Variants in PCDH9 observed in about 807,000 individuals in gnomAD.
The protein encoded by PCDH9 is protocadherin-9.
A neutral mutation model predicts 70.6 loss-of-function variants in PCDH9; 24 were observed. The observed-to-expected ratio is 0.34, with a 90% CI of 0.25 to 0.48. The LOEUF is 0.48. Among genes scored for constraint, PCDH9 ranks in the 20% least tolerant of loss-of-function variants. The pLI is 0.99. For synonymous variants in PCDH9, 562 were observed against 558.5 expected (o/e 1.01, Z -0.09); for missense variants, 1,281 against 1,503.6 (o/e 0.85, Z 2.45).
At chr13:66,937,303 TGTA>T (rs1450776565) in intron 2 of PCDH9, among the ~76,000 whole-genome samples, 2 of 152,232 alleles carry the variant, frequency 1.3e-5, no homozygotes, top group Non-Finnish European at 2.9e-5. Context: ...CTTGCGGAGT[TGTA>T]GTATCAACTT....
At chr13:66,372,082 T>C (rs1443330904) in intron 4 of PCDH9, among the ~76,000 whole-genome samples, 1 of 152,070 alleles carries the variant, frequency 6.6e-6, no homozygotes, top group East Asian at 1.9e-4. Context: ...CCCTCAAATA[T>C]ATGTACTGAT....
At position 67,089,650 on chromosome 13, in the gene PCDH9, C is replaced by T. The variant is rs2086177494; in HGVS notation, c.3036+135755G>A. Among the ~76,000 whole-genome samples, 3 of 151,856 alleles carry T rather than the reference C, an allele frequency of 2.0e-5. No homozygotes were observed. In the South Asian group the frequency reaches 6.2e-4, roughly 32 times the overall value. ...GAGCTCCAGAAATGTAAGTATTTAG[C>T]TATATGTTATACTTAAAATTATTTT... is the stretch of plus-strand genomic sequence containing the variant. On this transcript the variant is annotated intron_variant, in intron 2 of 4. Coordinates refer to ENST00000377865, the MANE Select transcript of PCDH9 (RefSeq NM_203487.3).
At chr13:66,607,795 G>A (rs1414956980) in intron 4 of PCDH9, among the ~76,000 whole-genome samples, 1 of 151,974 alleles carries the variant, frequency 6.6e-6, no homozygotes, top group East Asian at 1.9e-4. Flanking sequence ...AAATTATAAT[G>A]AAAATAACTG....
intron 2 of PCDH9, among the ~76,000 whole-genome samples, chr13:67,144,530 C>T (rs2087474104): frequency 6.6e-6 from 1 of 152,072 alleles, no homozygotes; most frequent in Non-Finnish European, 1.5e-5. Context: ...GGAACAAGTA[C>T]ATGAATTAAA....
At chr13:66,504,976 G>A (rs1174869547) in intron 4 of PCDH9, among the ~76,000 whole-genome samples, 1 of 151,942 alleles carries the variant, frequency 6.6e-6, no homozygotes, top group African/African-American at 2.4e-5. Context: ...TGGCTTCCAG[G>A]TATATCTCAG....
At chr13:66,817,444 A>T (rs2080627415) in intron 3 of PCDH9, among the ~76,000 whole-genome samples, 1 of 152,118 alleles carries the variant, frequency 6.6e-6, no homozygotes, top group Non-Finnish European at 1.5e-5. Flanking sequence ...ATTCTACAGC[A>T]TGTCTTACAA....
intron 4 of PCDH9, among the ~76,000 whole-genome samples, chr13:66,606,164 A>G (rs1370469730): frequency 1.3e-5 from 2 of 152,152 alleles, no homozygotes; most frequent in Non-Finnish European, 2.9e-5. Context: ...GAGGACAGGC[A>G]GAGGGAACAA....
intron 3 of PCDH9, among the ~76,000 whole-genome samples, chr13:66,850,567 C>T (rs1475757248): frequency 6.7e-6 from 1 of 149,932 alleles, no homozygotes; most frequent in Non-Finnish European, 1.5e-5. Context: ...TAGGAAAAGA[C>T]ATTAAACAAC....
At chr13:66,349,315 C>G (rs1272260618) in intron 4 of PCDH9, among the ~76,000 whole-genome samples, 3 of 152,160 alleles carry the variant, frequency 2.0e-5, no homozygotes, top group African/African-American at 7.2e-5. Flanking sequence ...CGCCTGTGCT[C>G]TGCACTTTGT....
At chr13:66,375,029 C>T (rs973260459) in intron 4 of PCDH9, among the ~76,000 whole-genome samples, 2 of 151,962 alleles carry the variant, frequency 1.3e-5, no homozygotes, top group Non-Finnish European at 2.9e-5. Context: ...GATTTAAAGG[C>T]CAGTCAGAGA....
chr13:66,335,132 A>T (rs1956014785), intron 4 of PCDH9, among the ~76,000 whole-genome samples: 1 of 152,104 alleles, frequency 6.6e-6, no homozygotes, highest in Non-Finnish European at 1.5e-5. Context: ...CACTACAGAA[A>T]TCCTTACTAT....
At chr13:66,611,663 T>C (rs2077295127) in intron 4 of PCDH9, among the ~76,000 whole-genome samples, 1 of 152,196 alleles carries the variant, frequency 6.6e-6, no homozygotes, top group African/African-American at 2.4e-5. Context: ...AATACTTATC[T>C]TTCTTCAACT....
At position 67,226,282 on chromosome 13, in the gene PCDH9, C is replaced by G; in HGVS notation, c.2159G>C (p.Gly720Ala). ...AATCCGGAATAAGCCTTTATTGTTT[C>G]CACTCACTATAGTATACTTTAGTTC... ...NAELKYTIVSGNNKGLFRIDP... is the reference protein window; with the variant it reads ...NAELKYTIVSANNKGLFRIDP... Residue 720 changes from glycine (G) to alanine (A), a missense_variant, in exon 2 of 5, where the codon GGA (glycine) becomes GCA (alanine). Physicochemically the swap from Gly to Ala is moderately conservative, Grantham distance 60 (BLOSUM62 0). This residue lies in a region of PCDH9 where 798 missense variants were observed against 1,003.1 expected (regional missense o/e 0.80). Transcript: ENST00000377865. The surrounding 1 kb of genome is among the most constrained non-coding windows in gnomAD (Gnocchi z 5.0). 6.2e-7 allele frequency: 1 copy of G among 1,614,152 alleles called. No individual in the cohort carries two copies. The highest frequency in any genetic ancestry group is 2.2e-5 in the East Asian group (1 of 44,878).
chr13:66,900,126 T>G (rs2082253671), intron 3 of PCDH9, among the ~76,000 whole-genome samples: 1 of 151,938 alleles, frequency 6.6e-6, no homozygotes, highest in Non-Finnish European at 1.5e-5. Context: ...GTGAGGTTTT[T>G]TGTTTGTTTG....
At chr13:66,767,658 A>T (rs1594032602) in intron 3 of PCDH9, among the ~76,000 whole-genome samples, 1 of 152,222 alleles carries the variant, frequency 6.6e-6, no homozygotes, top group South Asian at 2.1e-4. Flanking sequence ...CTTTTTTCTA[A>T]CAATACACAC....
At chr13:67,143,382 T>C (rs954050170) in intron 2 of PCDH9, among the ~76,000 whole-genome samples, 1 of 152,164 alleles carries the variant, frequency 6.6e-6, no homozygotes, top group Non-Finnish European at 1.5e-5. Context: ...GTTTGGGGCT[T>C]TTGTATACTA....
intron 2 of PCDH9, among the ~76,000 whole-genome samples, chr13:67,046,082 T>C (rs1180174783): frequency 1.3e-5 from 2 of 152,176 alleles, no homozygotes; most frequent in African/African-American, 4.8e-5. Context: ...AATTCCACAA[T>C]TGGCCAGTGG....
At chr13:67,066,042 T>C (rs2085640467) in intron 2 of PCDH9, among the ~76,000 whole-genome samples, 1 of 152,196 alleles carries the variant, frequency 6.6e-6, no homozygotes, top group Admixed American at 6.5e-5. Context: ...ACAATATGTG[T>C]TTCCTTCACT....
chr13:66,506,789 TAA>T (rs1959222291), intron 4 of PCDH9, among the ~76,000 whole-genome samples: 2 of 152,228 alleles, frequency 1.3e-5, no homozygotes, highest in Admixed American at 6.5e-5. Context: ...GACGCTCACA[TAA>T]AAAAGTGTTC....
Sources: gnomAD v4.1 joint callset for allele counts (sites outside exome capture counted in the v4.1 genomes callset) on GRCh38, gnomAD v4.1.1 for gene constraint, gnomAD v4.1.1 regional missense constraint, Gnocchi (gnomAD v3.1) non-coding constraint, MANE v1.5 for transcripts, NCBI Gene and HGNC (gene_info 2026-07-23, HGNC 2026-07-21) for gene names.